Variants in INPP5A observed in about 807,000 individuals in gnomAD.
INPP5A encodes inositol polyphosphate-5-phosphatase A.
Under a neutral mutation model 65.2 loss-of-function variants are expected in INPP5A, and 14 were observed. The ratio of observed to expected loss-of-function variants is 0.21; its 90% CI spans 0.14 to 0.34. The LOEUF (loss-of-function observed/expected upper bound fraction) is 0.34, where lower values mean the gene tolerates loss of function less well. INPP5A is among the 10% of genes least tolerant of loss of function. The probability of loss-of-function intolerance (pLI) is 1.00; values close to 1 mark genes in which losing one functional copy is unlikely to be tolerated. For synonymous variants in INPP5A, 207 were observed against 208.3 expected, an observed-to-expected ratio of 0.99 and a Z score of 0.05; for missense variants, 431 against 545.6, an observed-to-expected ratio of 0.79 and a Z score of 2.09.
rs536088203 is a variant in INPP5A, at chr10:132,587,988, G to A, written c.76-19927G>A. On this transcript the variant is annotated intron_variant, in intron 1 of 15. Transcript: ENST00000368594. The surrounding 1 kb of genome is among the most constrained non-coding windows in gnomAD (Gnocchi z 4.3). ...GATGGCGCCATTGCCCTCCAGCCTG[G>A]GCAACAAGAGTAAAACTCCATCTCA... is the stretch of plus-strand genomic sequence containing the variant. 2.3e-3 allele frequency among the ~76,000 whole-genome samples: 294 copies of A among 129,176 alleles called. No individual in the cohort carries two copies. The highest frequency in any genetic ancestry group is 7.4e-3 in the African/African-American group (279 of 37,666). 84.7% of individuals were successfully genotyped at this position (129,176 alleles called of 152,430 possible).
intron 4 of INPP5A, among the ~76,000 whole-genome samples, chr10:132,671,989 T>A (rs1419767643): frequency 6.6e-6 from 1 of 152,184 alleles, no homozygotes; most frequent in Admixed American, 6.5e-5. Context: ...TAGAGGTGAC[T>A]GTTGTCCAAT....
intron 4 of INPP5A, among the ~76,000 whole-genome samples, chr10:132,679,312 G>C (rs1276912436): frequency 6.6e-6 from 1 of 152,222 alleles, no homozygotes; most frequent in East Asian, 1.9e-4. Flanking sequence ...GGGAGCTGGA[G>C]GAGGGTGAGG....
chr10:132,629,420 C>T (rs1383054185), intron 2 of INPP5A, among the ~76,000 whole-genome samples: 1 of 152,212 alleles, frequency 6.6e-6, no homozygotes, highest in Non-Finnish European at 1.5e-5. Flanking sequence ...TTCAGTGACT[C>T]AGGAAAGTGG....
chr10:132,625,670 C>A (rs965953315), intron 2 of INPP5A, among the ~76,000 whole-genome samples: 2 of 152,166 alleles, frequency 1.3e-5, no homozygotes, highest in African/African-American at 4.8e-5. Context: ...GGCTTCCTGA[C>A]CAAGGTCGGG....
At position 132,650,297 on chromosome 10, in the gene INPP5A, G is replaced by A; in HGVS notation, c.219-121G>A. 5.8e-6 allele frequency: 4 copies of A among 694,574 alleles called. No homozygotes were observed. Among genetic ancestry groups the A allele is most frequent in the East Asian group, 5.3e-5 (2 of 37,668 alleles). 43.0% of individuals were successfully genotyped at this position (694,574 alleles called of 1,614,324 possible). On this transcript the variant is annotated intron_variant, in intron 3 of 15. Coordinates refer to ENST00000368594, the MANE Select transcript of INPP5A (RefSeq NM_005539.5). The surrounding 1 kb of genome is among the most constrained non-coding windows in gnomAD (Gnocchi z 5.5). ...CATTCCCTGCCCTCTGCCTGTCACGGGTGGATGGTCTCACGGTGATGTACC... is the reference window on the plus strand; with the variant it reads ...CATTCCCTGCCCTCTGCCTGTCACGAGTGGATGGTCTCACGGTGATGTACC...
chr10:132,657,381 C>T (rs2072670934), intron 4 of INPP5A, among the ~76,000 whole-genome samples: 1 of 152,234 alleles, frequency 6.6e-6, no homozygotes, highest in African/African-American at 2.4e-5. Flanking sequence ...GGGGCTCTGG[C>T]CTCCTGCAGA....
At chr10:132,607,113 C>T (rs933198448) in intron 1 of INPP5A, among the ~76,000 whole-genome samples, 1 of 152,222 alleles carries the variant, frequency 6.6e-6, no homozygotes, top group East Asian at 1.9e-4. Flanking sequence ...CTGTGCTGCC[C>T]TTGGCCGGAG....
chr10:132,718,014 A>G (rs1213135182), intron 8 of INPP5A, among the ~76,000 whole-genome samples: 19 of 126,778 alleles, frequency 1.5e-4, no homozygotes, highest in South Asian at 5.4e-4. Context: ...GTTCTGTGGT[A>G]CCTGAGTTCT....
In INPP5A at chr10:132,550,096, G is replaced by A. The variant is rs1029047365; in HGVS notation, c.75+11925G>A. 1.3e-5 allele frequency among the ~76,000 whole-genome samples: 2 copies of A among 148,698 alleles called. No homozygotes were observed. Among genetic ancestry groups the A allele is most frequent in the East Asian group, 4.0e-4 (2 of 4,980 alleles). ...CATTAGGGGATGGGGTCAGCCTCGA[G>A]TTACTAACCGGGCATTAGGGGATGG... On this transcript the variant is annotated intron_variant, in intron 1 of 15. Coordinates refer to ENST00000368594, the MANE Select transcript of INPP5A (RefSeq NM_005539.5). The surrounding 1 kb of genome is among the most constrained non-coding windows in gnomAD (Gnocchi z 4.2).
chr10:132,632,501 T>A (rs565179045), intron 2 of INPP5A, among the ~76,000 whole-genome samples: 1 of 152,244 alleles, frequency 6.6e-6, no homozygotes, highest in South Asian at 2.1e-4. Context: ...CCGAAGTGGA[T>A]CCTCTGAGAG....
chr10:132,653,712 T>C (rs1347391870), intron 4 of INPP5A, among the ~76,000 whole-genome samples: 2 of 152,232 alleles, frequency 1.3e-5, no homozygotes, highest in African/African-American at 4.8e-5. Context: ...TAATCCCAAG[T>C]CAAAGAGAAT....
chr10:132,722,919 G>A (rs1845913023), intron 8 of INPP5A, among the ~76,000 whole-genome samples: 1 of 151,326 alleles, frequency 6.6e-6, no homozygotes, highest in Non-Finnish European at 1.5e-5. Context: ...TTTTTCTCCT[G>A]CTCCAAATGG....
At chr10:132,700,792 T>C (rs1374997412) in intron 6 of INPP5A, among the ~76,000 whole-genome samples, 2 of 152,224 alleles carry the variant, frequency 1.3e-5, no homozygotes, top group African/African-American at 2.4e-5. Context: ...GATGGGGGTA[T>C]AATGCAGTCT....
intron 1 of INPP5A, among the ~76,000 whole-genome samples, chr10:132,604,787 A>T (rs946707136): frequency 6.6e-6 from 1 of 152,210 alleles, no homozygotes; most frequent in African/African-American, 2.4e-5. Context: ...AATTGAACTG[A>T]TGGAGAAGAC....
chr10:132,770,934 G>T (rs1168617192), intron 12 of INPP5A, among the ~76,000 whole-genome samples: 12 of 152,182 alleles, frequency 7.9e-5, no homozygotes, highest in Admixed American at 7.9e-4. Context: ...GACGCCGCCA[G>T]CCTCTGGGAG....
chr10:132,624,821 C>T (rs1249526268), intron 2 of INPP5A, among the ~76,000 whole-genome samples: 1 of 151,772 alleles, frequency 6.6e-6, no homozygotes, highest in Non-Finnish European at 1.5e-5. Flanking sequence ...CCCACCCCCG[C>T]CCTGGCCTGC....
At position 132,650,504 on chromosome 10, in the gene INPP5A, C is replaced by T; in HGVS notation, c.305C>T (p.Thr102Met). 2 of 1,608,258 alleles carry T rather than the reference C, an allele frequency of 1.2e-6. No individual in the cohort carries two copies. Among genetic ancestry groups the T allele is most frequent in the Non-Finnish European group, 8.5e-7 (1 of 1,175,278 alleles). Reference sequence around the variant, plus strand: ...AACTACAAATCCCAGGAGCACTTCACGGTGAGTCCCTCCCGCTGCCTGGTG... The same window carrying T: ...AACTACAAATCCCAGGAGCACTTCATGGTGAGTCCCTCCCGCTGCCTGGTG... ...DENYKSQEHF[T>M]ALGSFYFLHE... The change falls in exon 4 of 16, where the codon ACG (threonine) becomes ATG (methionine). Residue 102 changes from threonine (T) to methionine (M), a missense_variant and splice_region_variant. By Grantham distance (81) the Thr-to-Met change is moderately conservative (BLOSUM62 -1). Coordinates refer to ENST00000368594, the MANE Select transcript of INPP5A (RefSeq NM_005539.5). The surrounding 1 kb of genome is among the most constrained non-coding windows in gnomAD (Gnocchi z 5.5).
rs184260755 is a variant in INPP5A, at chr10:132,726,911, C to T, written c.732+6C>T. 432 of 1,599,782 alleles carry T rather than the reference C, an allele frequency of 2.7e-4. 2 individuals are homozygous for T. In the African/African-American group the frequency reaches 5.0e-3, roughly 18 times the overall value. ...ATTCCAAGTCCGTCGTGGAGGTAGGCGCTGGCTTCCCTCCCGCCCTGGTCT... is the reference window on the plus strand; with the variant it reads ...ATTCCAAGTCCGTCGTGGAGGTAGGTGCTGGCTTCCCTCCCGCCCTGGTCT... On this transcript the variant is annotated splice_donor_region_variant and intron_variant, in intron 9 of 15. Transcript: ENST00000368594.
chr10:132,759,672 C>A (rs1846695298), intron 11 of INPP5A, among the ~76,000 whole-genome samples: 1 of 150,342 alleles, frequency 6.7e-6, no homozygotes, highest in Non-Finnish European at 1.5e-5. Context: ...GGGGGTCCGG[C>A]TACAGTGAAC....
Sources: allele counts gnomAD v4.1 joint callset (sites outside exome capture counted in the v4.1 genomes callset), GRCh38; gene constraint gnomAD v4.1.1; non-coding constraint Gnocchi (gnomAD v3.1); transcripts MANE v1.5; gene names NCBI Gene and HGNC (gene_info 2026-07-23, HGNC 2026-07-21).